The following DENND1B variants were observed in gnomAD, a reference collection of about 807,000 sequenced individuals.
DENND1B encodes the protein DENN domain-containing protein 1B.
A neutral mutation model predicts 90.1 loss-of-function variants in DENND1B; 59 were observed. The observed-to-expected ratio is 0.65, with a 90% CI of 0.53 to 0.81. The LOEUF is 0.81. Among genes scored for constraint, DENND1B ranks in the 40% least tolerant of loss-of-function variants. DENND1B has a pLI of 0.00. For synonymous variants in DENND1B, 337 were observed against 324.6 expected (o/e 1.04, Z -0.41); for missense variants, 862 against 912.6 (o/e 0.94, Z 0.71).
At chr1:197,705,246 T>C (rs892632013) in intron 3 of DENND1B, among the ~76,000 whole-genome samples, 1 of 152,126 alleles carries the variant, frequency 6.6e-6, no homozygotes, top group Non-Finnish European at 1.5e-5. Context: ...AAAAAGTATA[T>C]AGCAAAACAA....
At chr1:197,669,028 G>C (rs181311530) in intron 5 of DENND1B, among the ~76,000 whole-genome samples, 7 of 152,144 alleles carry the variant, frequency 4.6e-5, no homozygotes, top group African/African-American at 1.7e-4. Context: ...TAAGTTATTA[G>C]ATGCTTTACT....
chr1:197,641,744 A>G (rs559323645), intron 10 of DENND1B, among the ~76,000 whole-genome samples: 15 of 152,130 alleles, frequency 9.9e-5, no homozygotes, highest in Non-Finnish European at 1.9e-4. Context: ...TTGGCCTTGA[A>G]GTGGTCATTT....
upstream of DENND1B, among the ~76,000 whole-genome samples, chr1:197,779,536 T>C (rs1571719818): frequency 1.3e-5 from 2 of 152,120 alleles, no homozygotes; most frequent in Non-Finnish European, 1.5e-5. Flanking sequence ...CTACCCTCCA[T>C]GTTTGTCAAA....
At position 197,540,064 on chromosome 1, in the gene DENND1B, T is replaced by C. The variant is rs752659960; in HGVS notation, c.1415A>G (p.Glu472Gly). 3.7e-6 allele frequency: 6 copies of C among 1,603,934 alleles called. No individual in the cohort carries two copies. The highest frequency in any genetic ancestry group is 1.7e-4 in the Middle Eastern group (1 of 6,052). The part of the protein sequence containing the change: ...VKSKLKHKEN[E>G]EDYGTCSSSV... ...ACTAGAACAGGTCCCATAATCTTCT[T>C]CATTTTCCTACACATGAAAAAATAT... is the stretch of plus-strand genomic sequence containing the variant. Residue 472 changes from glutamate to glycine, a missense_variant, in exon 20 of 23, where the codon GAA (glutamate) becomes GGA (glycine). By Grantham distance (98) the Glu-to-Gly change is moderately conservative. Transcript: ENST00000620048.
chr1:197,568,259 T>A (rs572854500), intron 15 of DENND1B, among the ~76,000 whole-genome samples: 3 of 151,860 alleles, frequency 2.0e-5, no homozygotes, highest in Non-Finnish European at 4.4e-5. Flanking sequence ...TACAATAGCA[T>A]AAAAAAATAC....
At chr1:197,561,688 CTT>C (rs1403507497) in intron 15 of DENND1B, among the ~76,000 whole-genome samples, 1 of 151,736 alleles carries the variant, frequency 6.6e-6, no homozygotes, top group Non-Finnish European at 1.5e-5. Flanking sequence ...AAACTCAACT[CTT>C]GTTCTTCTTG....
chr1:197,572,594 G>A lies in DENND1B; in HGVS notation c.1149+10558C>T, dbSNP rs550129991. Among the ~76,000 whole-genome samples, 9 of 152,292 alleles carry A rather than the reference G, an allele frequency of 5.9e-5. No individual in the cohort carries two copies. The East Asian group carries it at 1.2e-3, about 20-fold the overall frequency. On this transcript the variant is annotated intron_variant, in intron 15 of 22. Coordinates refer to ENST00000620048, the MANE Select transcript of DENND1B (RefSeq NM_001195215.2). ...AGCATGACATTTGAGCTCTGAGAAT[G>A]GACAGACTGCCTCCTCAAGCAGGTG... is the stretch of plus-strand genomic sequence containing the variant.
upstream of DENND1B, among the ~76,000 whole-genome samples, chr1:197,780,125 T>C (rs1036534593): frequency 2.6e-5 from 4 of 152,178 alleles, no homozygotes; most frequent in African/African-American, 9.7e-5. Context: ...TGGGAAGCTT[T>C]TTTCCCCTTA....
chr1:197,769,419 G>A (rs1238880164), intron 2 of DENND1B, among the ~76,000 whole-genome samples: 1 of 152,126 alleles, frequency 6.6e-6, no homozygotes, highest in Non-Finnish European at 1.5e-5. Context: ...ATAGAGACAT[G>A]TAAAGCCAGT....
At chr1:197,722,239 G>T (rs930215123) in intron 2 of DENND1B, among the ~76,000 whole-genome samples, 1 of 151,852 alleles carries the variant, frequency 6.6e-6, no homozygotes, top group Non-Finnish European at 1.5e-5. Flanking sequence ...CATTATATAT[G>T]GATAGAAACT....
chr1:197,754,681 A>AAAAAAAAAAAAAAAAAAAAAAAAAG (rs1654042834), intron 2 of DENND1B, among the ~76,000 whole-genome samples: 1 of 150,328 alleles, frequency 6.7e-6, no homozygotes, highest in Non-Finnish European at 1.5e-5. Context: ...AAAAAAAAAA[A>AAAAAAAAAAAAAAAAAAAAAAAAAG]AAAAAAACTG....
intron 13 of DENND1B, among the ~76,000 whole-genome samples, chr1:197,600,967 A>T (rs551456815): frequency 2.0e-5 from 3 of 151,644 alleles, no homozygotes; most frequent in African/African-American, 7.2e-5. Context: ...GCCTTGCTGC[A>T]CCACAGAGAC....
At chr1:197,771,603 G>A (rs1656625943) in intron 2 of DENND1B, among the ~76,000 whole-genome samples, 1 of 152,156 alleles carries the variant, frequency 6.6e-6, no homozygotes, top group South Asian at 2.1e-4. Context: ...AATTAGCCAT[G>A]CCCATTTCAC....
intron 12 of DENND1B, among the ~76,000 whole-genome samples, chr1:197,608,745 T>G (rs1298150662): frequency 6.6e-6 from 1 of 150,542 alleles, no homozygotes; most frequent in African/African-American, 2.4e-5. Flanking sequence ...CGTGAGGACA[T>G]TATCACTCAA....
intron 10 of DENND1B, among the ~76,000 whole-genome samples, chr1:197,641,079 T>C (rs963991986): frequency 6.6e-6 from 1 of 152,252 alleles, no homozygotes; most frequent in African/African-American, 2.4e-5. Flanking sequence ...AATTGCTATT[T>C]GTTTGCTCAC....
chr1:197,777,348 G>A (rs1657320854), upstream of DENND1B, among the ~76,000 whole-genome samples: 1 of 152,118 alleles, frequency 6.6e-6, no homozygotes, highest in Admixed American at 6.5e-5. Flanking sequence ...TTCCATTTAT[G>A]TTAAGTACAT....
intron 2 of DENND1B, among the ~76,000 whole-genome samples, chr1:197,750,278 T>C (rs1048456439): frequency 6.6e-6 from 1 of 152,162 alleles, no homozygotes; most frequent in African/African-American, 2.4e-5. Flanking sequence ...ACTGTAGATA[T>C]GATCACAATA....
intron 20 of DENND1B, among the ~76,000 whole-genome samples, chr1:197,513,673 T>C (rs1261308252): frequency 2.0e-5 from 3 of 151,674 alleles, no homozygotes; most frequent in Non-Finnish European, 4.4e-5. Flanking sequence ...ATAATTTTTC[T>C]TTAATATCTT....
At chr1:197,726,674 TGA>T (rs1661666566) in intron 2 of DENND1B, among the ~76,000 whole-genome samples, 1 of 152,260 alleles carries the variant, frequency 6.6e-6, no homozygotes, top group East Asian at 1.9e-4. Context: ...TCAGTACTTA[TGA>T]GATACCCCTG....
Sources: gnomAD v4.1 joint callset for allele counts (sites outside exome capture counted in the v4.1 genomes callset) on GRCh38, gnomAD v4.1.1 for gene constraint, MANE v1.5 for transcripts, NCBI Gene and HGNC (gene_info 2026-07-23, HGNC 2026-07-21) for gene names.